Variants in C9orf85 observed in about 807,000 individuals in gnomAD.
C9orf85 encodes uncharacterized protein C9orf85.
A neutral mutation model predicts 14.9 loss-of-function variants in C9orf85; 16 were observed. That is an observed-to-expected ratio of 1.08 (90% confidence interval 0.73 to 1.63). The LOEUF (loss-of-function observed/expected upper bound fraction) is 1.63, where lower values mean the gene tolerates loss of function less well. Among genes scored for constraint, C9orf85 ranks in the 40% most tolerant of loss-of-function variants. C9orf85 has a pLI of 0.00. For missense variants in C9orf85, 172 were observed against 186.1 expected (o/e 0.92, Z 0.44); for synonymous variants, 45 against 56.8 (o/e 0.79, Z 0.93).
chr9:71,973,427 A>C lies in C9orf85; in HGVS notation c.*585A>C, dbSNP rs1413081025. Reference sequence around the variant, plus strand: ...GGTCCTCGGTAAGTGCCTTTTGATAAATGATCTCAAATAAATGACTCATAG... The same window carrying C: ...GGTCCTCGGTAAGTGCCTTTTGATACATGATCTCAAATAAATGACTCATAG... On this transcript the variant is annotated 3_prime_UTR_variant, in exon 4 of 4. Coordinates refer to ENST00000334731, the MANE Select transcript of C9orf85 (RefSeq NM_182505.5). The C allele has an allele frequency of 6.6e-6, 1 of 152,208 alleles. No individual in the cohort carries two copies. The highest frequency in any genetic ancestry group is 2.4e-5 in the African/African-American group (1 of 41,452). 9.4% of individuals were successfully genotyped at this position (152,208 alleles called of 1,614,324 possible). A position where few individuals can be genotyped will look rare whatever the true frequency, so the allele number is the denominator to read the frequency against.
downstream of C9orf85, among the ~76,000 whole-genome samples, chr9:71,975,093 G>A (rs1305203270): frequency 1.3e-5 from 2 of 152,084 alleles, no homozygotes; most frequent in Admixed American, 6.6e-5. Context: ...TATTACCTGG[G>A]AATACATCAA....
chr9:71,957,041 C>T (rs1465380883), intron 2 of C9orf85, among the ~76,000 whole-genome samples: 1 of 151,524 alleles, frequency 6.6e-6, no homozygotes, highest in Non-Finnish European at 1.5e-5. Flanking sequence ...AGGCTGAACT[C>T]GAACTCCTGA....
At chr9:71,978,554 T>G (rs1413554835) in intron 3 of C9orf85, among the ~76,000 whole-genome samples, 1 of 152,182 alleles carries the variant, frequency 6.6e-6, no homozygotes, top group Non-Finnish European at 1.5e-5. Flanking sequence ...TGGGCCGCAT[T>G]ATGCAAAGTT....
chr9:71,919,770 T>G (rs557781856), intron 1 of C9orf85, among the ~76,000 whole-genome samples: 10 of 152,306 alleles, frequency 6.6e-5, no homozygotes, highest in African/African-American at 2.2e-4. Context: ...CAGCATAATT[T>G]CATCTATGCT....
chr9:71,933,310 A>G (rs1277539000), intron 1 of C9orf85, among the ~76,000 whole-genome samples: 1 of 152,230 alleles, frequency 6.6e-6, no homozygotes, highest in Non-Finnish European at 1.5e-5. Flanking sequence ...ACATTGAGAT[A>G]CATTATAATC....
intron 1 of C9orf85, among the ~76,000 whole-genome samples, chr9:71,943,670 G>A (rs1052027826): frequency 7.2e-5 from 11 of 151,782 alleles, no homozygotes; most frequent in Admixed American, 5.2e-4. Flanking sequence ...AGCCTCCAGC[G>A]TAGCTAGGAT....
At chr9:71,952,211 T>C (rs1822261717) in intron 2 of C9orf85, among the ~76,000 whole-genome samples, 2 of 152,218 alleles carry the variant, frequency 1.3e-5, no homozygotes, top group African/African-American at 4.8e-5. Context: ...CATTGTATTA[T>C]TCAATTCAAA....
At chr9:71,952,872 T>A (rs200228752) in intron 2 of C9orf85, among the ~76,000 whole-genome samples, 2 of 147,892 alleles carry the variant, frequency 1.4e-5, no homozygotes, top group Non-Finnish European at 3.0e-5. Flanking sequence ...CTCTACCTAT[T>A]AAAAAAAAAA....
chr9:71,963,835 T>G (rs1264594831), intron 2 of C9orf85, among the ~76,000 whole-genome samples: 7 of 152,042 alleles, frequency 4.6e-5, no homozygotes, highest in Non-Finnish European at 8.8e-5. Flanking sequence ...CTCCCTGGAC[T>G]CCTGTGCAAC....
rs550169407 is a variant in C9orf85, at chr9:71,947,157, A to G, written c.209+45A>G. Reference sequence around the variant, plus strand: ...TACCTTACTTGGTGGTATATGTATCATAGTTTATTATTTCATTTCCTGATT... The same window carrying G: ...TACCTTACTTGGTGGTATATGTATCGTAGTTTATTATTTCATTTCCTGATT... On this transcript the variant is annotated intron_variant, in intron 2 of 3. Transcript: ENST00000334731. 9 of 1,229,866 alleles carry G rather than the reference A, an allele frequency of 7.3e-6. No individual in the cohort carries two copies. In the South Asian group the frequency reaches 9.6e-5, roughly 13 times the overall value. 76.2% of individuals were successfully genotyped at this position (1,229,866 alleles called of 1,614,324 possible).
At chr9:71,959,125 A>G (rs539116800) in intron 2 of C9orf85, among the ~76,000 whole-genome samples, 92 of 151,914 alleles carry the variant, frequency 6.1e-4, no homozygotes, top group African/African-American at 2.2e-3. Flanking sequence ...TTTAAATTTA[A>G]CATTTTCTTC....
At chr9:71,959,294 T>C (rs1279658657) in intron 2 of C9orf85, among the ~76,000 whole-genome samples, 1 of 151,914 alleles carries the variant, frequency 6.6e-6, no homozygotes, top group Non-Finnish European at 1.5e-5. Context: ...CGCCCCACCA[T>C]GCCCGGCTAA....
intron 1 of C9orf85, among the ~76,000 whole-genome samples, chr9:71,923,328 A>G (rs1010509934): frequency 1.3e-5 from 2 of 152,076 alleles, no homozygotes; most frequent in African/African-American, 4.8e-5. Flanking sequence ...GTACAATGGC[A>G]TGATCTCAAA....
downstream of C9orf85, among the ~76,000 whole-genome samples, chr9:71,973,859 TG>T (rs757870983): frequency 3.7e-5 from 1 of 27,004 alleles, no homozygotes; most frequent in African/African-American, 6.9e-5. Flanking sequence ...TGGGTTTTGT[TG>T]TTTTTTTTTT....
At chr9:71,938,251 C>T (rs1023476364) in intron 1 of C9orf85, among the ~76,000 whole-genome samples, 4 of 152,056 alleles carry the variant, frequency 2.6e-5, no homozygotes, top group Non-Finnish European at 4.4e-5. Flanking sequence ...AATTTTAATT[C>T]CTTTCTCAAA....
intron 3 of C9orf85, among the ~76,000 whole-genome samples, chr9:71,979,483 T>C (rs10119859): frequency 0.94 from 142,627 of 152,160 alleles, 67,521 homozygotes; most frequent in East Asian, 1. Context: ...TTGAAACTCT[T>C]GGATGGAGGT....
At chr9:71,939,861 T>C (rs1828287610) in intron 1 of C9orf85, among the ~76,000 whole-genome samples, 1 of 152,176 alleles carries the variant, frequency 6.6e-6, no homozygotes, top group South Asian at 2.1e-4. Flanking sequence ...GCTGGAACAA[T>C]TGTACATCTG....
intron 1 of C9orf85, among the ~76,000 whole-genome samples, chr9:71,919,901 G>A (rs1434370187): frequency 2.0e-5 from 3 of 150,592 alleles, no homozygotes; most frequent in Admixed American, 1.3e-4. Flanking sequence ...CCAGGCTGGA[G>A]TGCAGCGGTG....
intron 2 of C9orf85, among the ~76,000 whole-genome samples, chr9:71,961,148 G>A (rs1822509284): frequency 6.6e-6 from 1 of 151,972 alleles, no homozygotes; most frequent in African/African-American, 2.4e-5. Flanking sequence ...CGGACCTCAG[G>A]TGATCCGCCC....
Sources: gnomAD v4.1 joint callset for allele counts (sites outside exome capture counted in the v4.1 genomes callset) on GRCh38, gnomAD v4.1.1 for gene constraint, MANE v1.5 for transcripts, NCBI Gene and HGNC (gene_info 2026-07-23, HGNC 2026-07-21) for gene names.